NRXN1: variants seen among roughly 807,000 people sequenced by gnomAD.
The protein encoded by NRXN1 is neurexin-1.
A neutral mutation model predicts 150.9 loss-of-function variants in NRXN1; 39 were observed. The observed-to-expected ratio is 0.26, with a 90% CI of 0.20 to 0.34. The LOEUF is 0.34. NRXN1 is among the 10% of genes least tolerant of loss of function. The probability of loss-of-function intolerance (pLI) is 1.00; values close to 1 mark genes in which losing one functional copy is unlikely to be tolerated. For missense variants in NRXN1, 1,815 were observed against 1,949.9 expected (o/e 0.93, Z 1.30); for synonymous variants, 924 against 757.0 (o/e 1.22, Z -3.62).
At chr2:50,493,772 A>G (rs1295751432) in intron 15 of NRXN1, among the ~76,000 whole-genome samples, 5 of 152,236 alleles carry the variant, frequency 3.3e-5, no homozygotes, top group Non-Finnish European at 7.3e-5. Flanking sequence ...TCTGCAATGC[A>G]GAAGGTATTA....
chr2:50,353,438 A>T (rs751332253), intron 17 of NRXN1, among the ~76,000 whole-genome samples: 1 of 152,110 alleles, frequency 6.6e-6, no homozygotes, highest in Non-Finnish European at 1.5e-5. Context: ...ATGTGTTCAT[A>T]ATGTAGCGTG....
chr2:50,307,142 G>A (rs958121177), intron 17 of NRXN1, among the ~76,000 whole-genome samples: 8 of 151,874 alleles, frequency 5.3e-5, no homozygotes, highest in Admixed American at 2.6e-4. Flanking sequence ...GCACCACCAC[G>A]CCCAGCTAAT....
Position 49,921,488 on chromosome 2 carries a change from A to G in NRXN1, c.*456T>C, listed in dbSNP as rs1668191816. The G allele has an allele frequency of 6.4e-6, 1 of 156,928 alleles. No homozygotes were observed. The highest frequency in any genetic ancestry group is 2.4e-5 in the African/African-American group (1 of 41,468). The allele number at this position is 156,928 out of a possible 1,614,324, so 9.7% of individuals were successfully genotyped here. A position where few individuals can be genotyped will look rare whatever the true frequency, so the allele number is the denominator to read the frequency against. On this transcript the variant is annotated 3_prime_UTR_variant, in exon 23 of 23. Transcript: ENST00000401669. Reference sequence around the variant, plus strand: ...AAAGGTTTGCAGGTTGAGTCACTCAAAAGGACAGTCTTCTCTGGCAATTGG... The same window carrying G: ...AAAGGTTTGCAGGTTGAGTCACTCAGAAGGACAGTCTTCTCTGGCAATTGG...
intron 21 of NRXN1, among the ~76,000 whole-genome samples, chr2:50,028,391 T>C (rs79180667): frequency 0.016 from 2,430 of 152,308 alleles, 56 homozygotes; most frequent in African/African-American, 0.056. Context: ...TAATAATGTC[T>C]TTTTTTACAC....
intron 5 of NRXN1, among the ~76,000 whole-genome samples, chr2:50,870,311 G>A (rs1677583948): frequency 6.6e-6 from 1 of 151,742 alleles, no homozygotes; most frequent in Admixed American, 6.6e-5. Flanking sequence ...TTCCCACATT[G>A]AGTAAAATTT....
intron 5 of NRXN1, among the ~76,000 whole-genome samples, chr2:50,826,028 C>T (rs1373977281): frequency 6.6e-6 from 1 of 152,182 alleles, no homozygotes; most frequent in Admixed American, 6.5e-5. Context: ...ATGGAAATTA[C>T]AGTGGCTATA....
At chr2:50,533,385 G>A (rs1392420949) in intron 10 of NRXN1, among the ~76,000 whole-genome samples, 3 of 152,140 alleles carry the variant, frequency 2.0e-5, no homozygotes, top group Non-Finnish European at 4.4e-5. Context: ...CTTCAAAAAT[G>A]AACAAACTCA....
intron 22 of NRXN1, among the ~76,000 whole-genome samples, chr2:49,942,958 C>A (rs12624115): frequency 0.41 from 62,871 of 151,880 alleles, 13,317 homozygotes; most frequent in South Asian, 0.52. Context: ...CCAAACCAAA[C>A]CAAAACAAAA....
chr2:51,002,549 T>G (rs1700203439), intron 2 of NRXN1, among the ~76,000 whole-genome samples: 1 of 151,926 alleles, frequency 6.6e-6, no homozygotes, highest in Admixed American at 6.6e-5. Flanking sequence ...CCAGTGCATA[T>G]AAAGAGCTTA....
rs555841121 is a variant in NRXN1 at position 50,665,285 on chromosome 2, A to G, written c.833-41670T>C. 2.6e-5 allele frequency among the ~76,000 whole-genome samples: 4 copies of G among 152,116 alleles called. No homozygotes were observed. In the South Asian group the frequency reaches 6.2e-4, roughly 24 times the overall value. ...TAAGAAGGGTGCCCTCTCATACCTT[A>G]AAATACTCTGTTTGAATAGCTGTGA... On this transcript the variant is annotated intron_variant, in intron 5 of 22. Transcript: ENST00000401669.
At position 50,918,701 on chromosome 2, in the gene NRXN1, T is replaced by C. The variant is rs1253413246; in HGVS notation, c.832+3168A>G. The stretch of plus-strand genomic sequence containing the variant: ...AATGAAGTGACCAGTTACACATACA[T>C]AGGAAAAGAAACAAGAACAAAAGAG... On this transcript the variant is annotated intron_variant, in intron 5 of 22. Coordinates refer to ENST00000401669, the MANE Select transcript of NRXN1 (RefSeq NM_001330078.2). 4.1e-5 allele frequency: 14 copies of C among 339,230 alleles called. 1 individual carries two copies. Among genetic ancestry groups the C allele is most frequent in the East Asian group, 7.8e-5 (2 of 25,692 alleles). 21.0% of individuals were successfully genotyped at this position (339,230 alleles called of 1,614,324 possible).
rs200489693 is a variant in NRXN1, at chr2:50,538,237, G to A, written c.2143+16C>T. 3 of 1,599,670 alleles carry A rather than the reference G, an allele frequency of 1.9e-6. No individual in the cohort carries two copies. The highest frequency in any genetic ancestry group is 1.3e-5 in the African/African-American group (1 of 74,554). On this transcript the variant is annotated intron_variant, in intron 10 of 22. Transcript: ENST00000401669. ...TTCATCTCAGGGAGTTGGCTGCTGG[G>A]GTTTTAGAATCCTACCTCTCTCACA...
chr2:50,316,253 T>C (rs2075594450), intron 17 of NRXN1, among the ~76,000 whole-genome samples: 2 of 152,044 alleles, frequency 1.3e-5, no homozygotes, highest in South Asian at 4.1e-4. Context: ...TGGGGAAGTA[T>C]TAAGACATTT....
intron 5 of NRXN1, among the ~76,000 whole-genome samples, chr2:50,711,256 G>T (rs117121062): frequency 0.028 from 4,272 of 151,444 alleles, 272 homozygotes; most frequent in East Asian, 0.16. Flanking sequence ...CACCCTTAAG[G>T]TCTGAAACAG....
intron 18 of NRXN1, among the ~76,000 whole-genome samples, chr2:50,126,069 G>C (rs149066915): frequency 6.5e-4 from 99 of 152,198 alleles, no homozygotes; most frequent in African/African-American, 2.2e-3. Flanking sequence ...TACAGTCTTA[G>C]AAATAAAAAC....
chr2:50,009,872 C>G (rs574393982), intron 21 of NRXN1, among the ~76,000 whole-genome samples: 70 of 152,198 alleles, frequency 4.6e-4, no homozygotes, highest in South Asian at 2.1e-4. Flanking sequence ...TGTAATCAAT[C>G]TAGAATTATG....
At chr2:49,989,107 C>G (rs1280791054) in intron 21 of NRXN1, among the ~76,000 whole-genome samples, 1 of 152,140 alleles carries the variant, frequency 6.6e-6, no homozygotes, top group African/African-American at 2.4e-5. Context: ...TCTTAATAAG[C>G]TGATAGGTAG....
intron 17 of NRXN1, among the ~76,000 whole-genome samples, chr2:50,377,857 A>G (rs1207773348): frequency 6.6e-6 from 1 of 152,188 alleles, no homozygotes; most frequent in Non-Finnish European, 1.5e-5. Context: ...ATTAATTCCA[A>G]ACAAAGGCAA....
At chr2:49,967,608 A>G (rs1677181150) in intron 21 of NRXN1, among the ~76,000 whole-genome samples, 1 of 152,114 alleles carries the variant, frequency 6.6e-6, no homozygotes, top group Non-Finnish European at 1.5e-5. Flanking sequence ...AATCTCATCA[A>G]TTTAAACCTT....
Sources: gnomAD v4.1 joint callset for allele counts (sites outside exome capture counted in the v4.1 genomes callset) on GRCh38, gnomAD v4.1.1 for gene constraint, MANE v1.5 for transcripts, NCBI Gene and HGNC (gene_info 2026-07-23, HGNC 2026-07-21) for gene names.